Variants in WDR47 observed in about 807,000 individuals in gnomAD.
The protein encoded by WDR47 is WD repeat domain 47.
Under a neutral mutation model 97.2 loss-of-function variants are expected in WDR47, and 32 were observed. The observed-to-expected ratio is 0.33, with a 90% confidence interval of 0.25 to 0.44. The LOEUF (loss-of-function observed/expected upper bound fraction) is 0.44. Ranked by LOEUF, WDR47 falls within the 20% of genes least tolerant of loss-of-function variation. WDR47 has a pLI of 1.00. For missense variants in WDR47, 782 were observed against 1,102.3 expected (o/e 0.71, Z 4.11); for synonymous variants, 375 against 373.5 (o/e 1.00, Z -0.05).
intron 9 of WDR47, among the ~76,000 whole-genome samples, chr1:108,989,536 G>T (rs1659151306): frequency 6.6e-6 from 1 of 152,214 alleles, no homozygotes; most frequent in Non-Finnish European, 1.5e-5. Context: ...CACAGGGAAT[G>T]TGACTGTTTG....
chr1:108,982,854 C>T, intron 11 of WDR47, 75 bp from the exon 12 acceptor site: 2 of 1,450,048 alleles, frequency 1.4e-6, no homozygotes, highest in South Asian at 2.7e-5. Flanking sequence ...GCTAAACTAC[C>T]TCAAAACTGG....
chr1:109,036,814 C>T (rs1329953560), intron 1 of WDR47, among the ~76,000 whole-genome samples: 2 of 151,566 alleles, frequency 1.3e-5, no homozygotes, highest in Non-Finnish European at 2.9e-5. Flanking sequence ...CAGCCTGGGG[C>T]GACAGAGTGA....
At chr1:109,018,266 T>C (rs560952396) in intron 2 of WDR47, among the ~76,000 whole-genome samples, 9 of 151,624 alleles carry the variant, frequency 5.9e-5, no homozygotes, top group Admixed American at 5.9e-4. Flanking sequence ...CTGCCCAACA[T>C]GGCGAAACCC....
intron 10 of WDR47, 137 bp from the exon 11 acceptor site, chr1:108,983,588 A>G (rs976265356): frequency 7.2e-6 from 5 of 692,788 alleles, no homozygotes; most frequent in African/African-American, 3.7e-5. Context: ...TTTCAAAATC[A>G]TAGAAGAAAT....
At position 109,001,489 on chromosome 1, in the gene WDR47, A is replaced by C. The variant is rs372934912; in HGVS notation, c.1433+735T>G. On this transcript the variant is annotated intron_variant, in intron 7 of 14. Coordinates refer to ENST00000369962, the MANE Select transcript of WDR47 (RefSeq NM_001142551.2). ...GCACTTTAGTAACAATAAAAATAGC[A>C]GCTAACAACATAGTGTTTACAGTGT... Among the ~76,000 whole-genome samples the C allele has an allele frequency of 3.9e-5, 6 of 152,358 alleles. No homozygotes were observed. In the East Asian group the frequency reaches 9.6e-4, roughly 24 times the overall value.
At position 109,029,293 on chromosome 1, in the gene WDR47, G is replaced by A. The variant is rs1662448765; in HGVS notation, c.-9-5772C>T. 2.0e-5 allele frequency among the ~76,000 whole-genome samples: 3 copies of A among 152,274 alleles called. No individual in the cohort carries two copies. In the South Asian group the frequency reaches 6.2e-4, roughly 32 times the overall value. ...TAATCCCAACACTTTGGGAGGCCGA[G>A]GCAGGTGGATCACGAGGTCAGGAGT... is the stretch of plus-strand genomic sequence containing the variant. On this transcript the variant is annotated intron_variant, in intron 1 of 14. Transcript: ENST00000369962.
rs190906048 is a variant in WDR47 at position 109,027,166 on chromosome 1, T to G, written c.-9-3645A>C. 3.7e-3 allele frequency among the ~76,000 whole-genome samples: 559 copies of G among 152,110 alleles called. 6 individuals carry two copies. The highest frequency in any genetic ancestry group is 0.013 in the African/African-American group (538 of 41,496). On this transcript the variant is annotated intron_variant, in intron 1 of 14. Coordinates refer to ENST00000369962, the MANE Select transcript of WDR47 (RefSeq NM_001142551.2). The stretch of plus-strand genomic sequence containing the variant: ...GCCTCCCAGGTTCAAGCAATTCTCT[T>G]GCCTCAGCCTCCTGGGTAGCTGGGA...
chr1:108,981,967 A>G, intron 12 of WDR47, 103 bp from the exon 13 acceptor site: 1 of 1,285,414 alleles, frequency 7.8e-7, no homozygotes, highest in Admixed American at 2.3e-5. Context: ...TCATGCCTAT[A>G]ATCCCAGCTA....
intron 9 of WDR47, among the ~76,000 whole-genome samples, chr1:108,990,991 G>GT (rs951633579): frequency 1.9e-4 from 29 of 148,934 alleles, no homozygotes; most frequent in East Asian, 5.9e-4. Context: ...AGTTTGTGGG[G>GT]TTTTTTTTTG....
rs147926063 is a variant in WDR47 at position 109,038,108 on chromosome 1, G to A, written c.-10+3754C>T. On this transcript the variant is annotated intron_variant, in intron 1 of 14. Transcript: ENST00000369962. Reference sequence around the variant, plus strand: ...CCCACCTCATCCTCCCAAAATGCTCGCATTACAGGTATGAGCCACCTCGCC... The same window carrying A: ...CCCACCTCATCCTCCCAAAATGCTCACATTACAGGTATGAGCCACCTCGCC... 6.3e-3 allele frequency among the ~76,000 whole-genome samples: 962 copies of A among 152,114 alleles called. 6 individuals are homozygous for A. Among genetic ancestry groups the A allele is most frequent in the Non-Finnish European group, 0.01 (705 of 68,010 alleles).
At chr1:108,979,619 A>G (rs1658189617) in intron 13 of WDR47, among the ~76,000 whole-genome samples, 1 of 152,236 alleles carries the variant, frequency 6.6e-6, no homozygotes, top group Admixed American at 6.5e-5. Context: ...GGAAAGGCAC[A>G]TGAAAAAGTT....
At chr1:108,981,889 A>G in intron 12 of WDR47, 25 bp from the exon 13 acceptor site, 2 of 1,603,554 alleles carry the variant, frequency 1.2e-6, no homozygotes, top group Non-Finnish European at 1.7e-6. Context: ...ATACTCAATT[A>G]TTAAGGTGGG....
intron 3 of WDR47, among the ~76,000 whole-genome samples, chr1:109,015,982 C>A (rs1246170683): frequency 3.6e-4 from 36 of 98,936 alleles, no homozygotes; most frequent in African/African-American, 5.8e-4. Context: ...GACTCCATCT[C>A]AAAAAAAAAA....
At chr1:109,005,296 C>T (rs576356970) in intron 5 of WDR47, among the ~76,000 whole-genome samples, 1 of 152,032 alleles carries the variant, frequency 6.6e-6, no homozygotes, top group South Asian at 2.1e-4. Flanking sequence ...CCTGTGGTCC[C>T]CAGCTACTTG....
chr1:109,022,856 G>C (rs890528785), intron 2 of WDR47, among the ~76,000 whole-genome samples: 2 of 151,812 alleles, frequency 1.3e-5, no homozygotes, highest in African/African-American at 4.8e-5. Context: ...AAAGTGCTGG[G>C]ATTACAGGCG....
chr1:109,033,251 C>T (rs1026775453), intron 1 of WDR47, among the ~76,000 whole-genome samples: 3 of 152,006 alleles, frequency 2.0e-5, no homozygotes, highest in African/African-American at 7.2e-5. Flanking sequence ...GTCGAGATCA[C>T]GCCACTACAC....
intron 13 of WDR47, among the ~76,000 whole-genome samples, chr1:108,980,484 T>C (rs1658256908): frequency 6.6e-6 from 1 of 152,112 alleles, no homozygotes; most frequent in Non-Finnish European, 1.5e-5. Context: ...ATCCCAGCAC[T>C]TTGGGAGGTG....
rs1188924153 is a variant in WDR47 at position 109,020,435 on chromosome 1, T to G, written c.159-2834A>C. On this transcript the variant is annotated intron_variant, in intron 2 of 14. Transcript: ENST00000369962. ...GCCACCACGCCTGGCTAATTTTTTG[T>G]ATTTTTAGTAGAGACGGGGGGTTTC... Among the ~76,000 whole-genome samples the G allele has an allele frequency of 3.9e-5, 6 of 152,046 alleles. No individual in the cohort carries two copies. The South Asian group carries it at 6.2e-4, about 16-fold the overall frequency.
At chr1:109,025,524 A>C (rs1328614644) in intron 1 of WDR47, among the ~76,000 whole-genome samples, 1 of 151,620 alleles carries the variant, frequency 6.6e-6, no homozygotes, top group African/African-American at 2.4e-5. Context: ...TTATGAGATC[A>C]GGAGTTTGAG....
Sources: allele counts gnomAD v4.1 joint callset (sites outside exome capture counted in the v4.1 genomes callset), GRCh38; gene constraint gnomAD v4.1.1; transcripts MANE v1.5; gene names NCBI Gene and HGNC (gene_info 2026-07-23, HGNC 2026-07-21).